The following GUCY1A2 variants were observed in gnomAD, a reference collection of about 807,000 sequenced individuals.
GUCY1A2 encodes the protein guanylate cyclase 1 soluble subunit alpha 2.
Under a neutral mutation model 63.5 loss-of-function variants are expected in GUCY1A2, and 27 were observed. The observed-to-expected ratio is 0.43, with a 90% CI of 0.31 to 0.59. The LOEUF is 0.59. Among genes scored for constraint, GUCY1A2 ranks in the 20% least tolerant of loss-of-function variants. The pLI, the probability that GUCY1A2 is intolerant of heterozygous loss-of-function variation, is 0.11. For synonymous variants in GUCY1A2, 364 were observed against 343.5 expected (o/e 1.06, Z -0.66); for missense variants, 768 against 913.3 (o/e 0.84, Z 2.05).
intron 6 of GUCY1A2, among the ~76,000 whole-genome samples, chr11:106,725,806 T>TGC (rs941436736): frequency 1.3e-5 from 2 of 152,124 alleles, no homozygotes; most frequent in African/African-American, 2.4e-5. Context: ...TTTAATTAAA[T>TGC]GCTTGACTCT....
intron 1 of GUCY1A2, among the ~76,000 whole-genome samples, chr11:107,016,159 T>C (rs1341243609): frequency 6.6e-6 from 1 of 152,200 alleles, no homozygotes; most frequent in Non-Finnish European, 1.5e-5. Flanking sequence ...CCTACCATCA[T>C]TTGCAGTAGT....
At chr11:106,839,572 C>T (rs1051858724) in intron 4 of GUCY1A2, among the ~76,000 whole-genome samples, 7 of 151,898 alleles carry the variant, frequency 4.6e-5, no homozygotes, top group Admixed American at 6.6e-5. Context: ...ATGTTTATTG[C>T]GGCACTACTC....
intron 4 of GUCY1A2, chr11:106,936,820 A>G (rs1860684990): frequency 3.4e-6 from 2 of 590,252 alleles, no homozygotes; most frequent in Non-Finnish European, 5.8e-6. Flanking sequence ...GAATAAATAT[A>G]AATTATTTTA....
intron 2 of GUCY1A2, among the ~76,000 whole-genome samples, chr11:106,983,331 G>C (rs1336228646): frequency 6.6e-6 from 1 of 152,122 alleles, no homozygotes; most frequent in African/African-American, 2.4e-5. Context: ...GATAAATTAA[G>C]GAACAGAATA....
intron 7 of GUCY1A2, among the ~76,000 whole-genome samples, chr11:106,696,722 CTTTTCT>C (rs1862726419): frequency 3.3e-5 from 5 of 151,974 alleles, no homozygotes; most frequent in Admixed American, 2.6e-4. Flanking sequence ...TACTTTTTTC[CTTTTCT>C]TTAAGAGTTC....
At chr11:106,943,774 C>T (rs1376166732) in intron 3 of GUCY1A2, among the ~76,000 whole-genome samples, 2 of 152,186 alleles carry the variant, frequency 1.3e-5, no homozygotes, top group African/African-American at 2.4e-5. Flanking sequence ...ATGACTTTCT[C>T]TCATGGGCCC....
chr11:106,744,834 C>T (rs748061414), intron 6 of GUCY1A2, among the ~76,000 whole-genome samples: 1 of 152,126 alleles, frequency 6.6e-6, no homozygotes, highest in Non-Finnish European at 1.5e-5. Flanking sequence ...TTGGTGGGTA[C>T]TCATGTTGTC....
At chr11:106,921,448 G>T (rs1860442797) in intron 4 of GUCY1A2, among the ~76,000 whole-genome samples, 1 of 151,812 alleles carries the variant, frequency 6.6e-6, no homozygotes, top group Non-Finnish European at 1.5e-5. Context: ...AACAATTCTA[G>T]TTTAAAAAAA....
rs1215324867 is a variant in GUCY1A2, at chr11:106,844,702, T to C, written c.1207-34224A>G. On this transcript the variant is annotated intron_variant, in intron 4 of 7. Coordinates refer to ENST00000526355, the MANE Select transcript of GUCY1A2 (RefSeq NM_000855.3). ...ACTGTTTTGCTCTTTTTCAATATCA[T>C]TGCTATTATCAGACATGTTTTCAAT... Among the ~76,000 whole-genome samples, 3 of 151,832 alleles carry C rather than the reference T, an allele frequency of 2.0e-5. No individual in the cohort carries two copies. The East Asian group carries it at 5.8e-4, about 29-fold the overall frequency.
At chr11:106,803,536 ACACT>A (rs1245060692) in intron 5 of GUCY1A2, among the ~76,000 whole-genome samples, 2 of 152,306 alleles carry the variant, frequency 1.3e-5, no homozygotes, top group East Asian at 3.9e-4. Context: ...TACAACACAC[ACACT>A]CACACAGACA....
intron 1 of GUCY1A2, among the ~76,000 whole-genome samples, chr11:106,992,873 C>T (rs1454424532): frequency 6.6e-6 from 1 of 152,094 alleles, no homozygotes; most frequent in Non-Finnish European, 1.5e-5. Context: ...CTTTCCCCAC[C>T]CTCTGAGCAC....
At chr11:107,007,136 T>G (rs1861681865) in intron 1 of GUCY1A2, among the ~76,000 whole-genome samples, 1 of 152,144 alleles carries the variant, frequency 6.6e-6, no homozygotes, top group African/African-American at 2.4e-5. Context: ...AAAAAATGCA[T>G]GAATGATGTA....
At chr11:106,963,130 C>T (rs72994143) in intron 3 of GUCY1A2, among the ~76,000 whole-genome samples, 8 of 152,178 alleles carry the variant, frequency 5.3e-5, no homozygotes, top group African/African-American at 9.6e-5. Context: ...TTTGATAGCA[C>T]ATTGCAATAT....
chr11:106,751,557 C>T (rs1863882394), intron 6 of GUCY1A2, among the ~76,000 whole-genome samples: 1 of 152,042 alleles, frequency 6.6e-6, no homozygotes, highest in Non-Finnish European at 1.5e-5. Context: ...TATCACATCC[C>T]AGGGTTCTGA....
At position 106,939,450 on chromosome 11, in the gene GUCY1A2, T is replaced by A. The variant is rs531725921; in HGVS notation, c.1206+10A>T. 1 of 1,408,426 alleles carries A rather than the reference T, an allele frequency of 7.1e-7. No homozygotes were observed. The highest frequency in any genetic ancestry group is 1.0e-6 in the Non-Finnish European group (1 of 999,782). The allele number at this position is 1,408,426 out of a possible 1,614,324, so 87.2% of individuals were successfully genotyped here. A position where few individuals can be genotyped will look rare whatever the true frequency, so the allele number is the denominator to read the frequency against. Reference sequence around the variant, plus strand: ...AGTTCCCATCACCATCTCAAGTCCATAGCACTTACCTTGTCTTTATTTTCA... The same window carrying A: ...AGTTCCCATCACCATCTCAAGTCCAAAGCACTTACCTTGTCTTTATTTTCA... On this transcript the variant is annotated intron_variant, in intron 4 of 7. Transcript: ENST00000526355.
chr11:106,937,514 A>C (rs1453644967), intron 4 of GUCY1A2, among the ~76,000 whole-genome samples: 1 of 152,160 alleles, frequency 6.6e-6, no homozygotes, highest in African/African-American at 2.4e-5. Context: ...AAAAACACCA[A>C]CTTCAATTCT....
intron 1 of GUCY1A2, among the ~76,000 whole-genome samples, chr11:106,987,652 CAAA>C (rs59863037): frequency 9.2e-5 from 10 of 108,818 alleles, no homozygotes; most frequent in South Asian, 2.9e-4. Flanking sequence ...GACTCTGCCT[CAAA>C]AAAAAAAAAA....
intron 4 of GUCY1A2, among the ~76,000 whole-genome samples, chr11:106,869,806 T>C (rs992017185): frequency 2.0e-5 from 3 of 152,034 alleles, no homozygotes; most frequent in Admixed American, 6.6e-5. Context: ...CACATGCACA[T>C]GTATGTTTAT....
At chr11:106,979,560 T>C (rs17574956) in intron 2 of GUCY1A2, among the ~76,000 whole-genome samples, 7,867 of 152,260 alleles carry the variant, frequency 0.052, 289 homozygotes, top group Middle Eastern at 0.12. Flanking sequence ...CTGTGAGATC[T>C]TGAGCAAGTA....
Sources: allele counts gnomAD v4.1 joint callset (sites outside exome capture counted in the v4.1 genomes callset), GRCh38; gene constraint gnomAD v4.1.1; transcripts MANE v1.5; gene names NCBI Gene and HGNC (gene_info 2026-07-23, HGNC 2026-07-21).